SULF1: variants seen among roughly 807,000 people sequenced by gnomAD.
SULF1 encodes the protein sulfatase 1, also known as extracellular sulfatase Sulf-1.
A neutral mutation model predicts 110.5 loss-of-function variants in SULF1; 46 were observed. The observed-to-expected ratio is 0.42, with a 90% CI of 0.33 to 0.53. The LOEUF is 0.53. Ranked by LOEUF, SULF1 falls within the 20% of genes least tolerant of loss-of-function variation. SULF1 has a pLI of 0.12. For synonymous variants in SULF1, 371 were observed against 387.1 expected, an observed-to-expected ratio of 0.96 and a Z score of 0.49; for missense variants, 941 against 1,094.2, an observed-to-expected ratio of 0.86 and a Z score of 1.98.
At chr8:69,500,012 A>G (rs1810682566) in intron 2 of SULF1, among the ~76,000 whole-genome samples, 1 of 152,120 alleles carries the variant, frequency 6.6e-6, no homozygotes, top group South Asian at 2.1e-4. Flanking sequence ...TCAGCCTCCC[A>G]AAGTGCTGGG....
chr8:69,575,696 T>C (rs1805557806), intron 5 of SULF1, among the ~76,000 whole-genome samples: 1 of 152,166 alleles, frequency 6.6e-6, no homozygotes, highest in South Asian at 2.1e-4. Context: ...ATATCTAAAA[T>C]TCTAGCTTTA....
chr8:69,543,745 C>T (rs908663796), intron 3 of SULF1, among the ~76,000 whole-genome samples: 1 of 152,062 alleles, frequency 6.6e-6, no homozygotes, highest in Non-Finnish European at 1.5e-5. Context: ...TCCTTATAGC[C>T]CAATTGATTC....
chr8:69,523,917 G>A lies in SULF1; in HGVS notation c.-134+21949G>A, dbSNP rs191925068. On this transcript the variant is annotated intron_variant, in intron 3 of 22. Coordinates refer to ENST00000402687, the MANE Select transcript of SULF1 (RefSeq NM_001128205.2). The stretch of plus-strand genomic sequence containing the variant: ...AGGGAGTGGCTTGGGGAGAGGAGGG[G>A]TGATCCAGAAAGGAAGAGGCAATTG... Among the ~76,000 whole-genome samples, 48 of 152,140 alleles carry A rather than the reference G, an allele frequency of 3.2e-4. 1 individual carries two copies. Among genetic ancestry groups the A allele is most frequent in the African/African-American group, 1.1e-3 (47 of 41,542 alleles).
chr8:69,523,502 G>A (rs1734475737), intron 3 of SULF1, among the ~76,000 whole-genome samples: 1 of 152,006 alleles, frequency 6.6e-6, no homozygotes, highest in African/African-American at 2.4e-5. Context: ...ACCATTTAGG[G>A]GATTCTATGT....
In SULF1 at chr8:69,507,326, C is replaced by T. The variant is rs115295130; in HGVS notation, c.-134+5358C>T. Among the ~76,000 whole-genome samples the T allele has an allele frequency of 9.4e-3, 1,427 of 152,264 alleles. 26 individuals carry two copies. The highest frequency in any genetic ancestry group is 0.033 in the African/African-American group (1,355 of 41,544). On this transcript the variant is annotated intron_variant, in intron 3 of 22. Transcript: ENST00000402687. ...CCCAAGAAGAAATACTGCCTTGTAT[C>T]GTGCTAGAGAATTTGTAGGGCTGAT...
chr8:69,609,712 T>G (rs1328700134), intron 13 of SULF1, among the ~76,000 whole-genome samples: 1 of 152,216 alleles, frequency 6.6e-6, no homozygotes, highest in Non-Finnish European at 1.5e-5. Context: ...TTTGAAACTA[T>G]GAATGGCAAT....
chr8:69,600,515 C>T, intron 8 of SULF1, 88 bp from the exon 9 acceptor site: 1 of 1,293,668 alleles, frequency 7.7e-7, no homozygotes, highest in South Asian at 1.5e-5. Context: ...AATTATCTCT[C>T]CTTAATGATT....
Position 69,471,104 on chromosome 8 carries a change from C to T in SULF1, c.-391+4154C>T, listed in dbSNP as rs1364170342. Among the ~76,000 whole-genome samples, 7 of 152,206 alleles carry T rather than the reference C, an allele frequency of 4.6e-5. No homozygotes were observed. The East Asian group carries it at 1.3e-3, about 29-fold the overall frequency. Reference sequence around the variant, plus strand: ...GAAGCCTCTCTGACCGCTACCTCTTCCAGCAATGCTTTTCTTCCCTTCATG... The same window carrying T: ...GAAGCCTCTCTGACCGCTACCTCTTTCAGCAATGCTTTTCTTCCCTTCATG... On this transcript the variant is annotated intron_variant, in intron 1 of 22. Coordinates refer to the SULF1 transcript ENST00000260128.
chr8:69,546,487 A>G (rs1814266671), intron 3 of SULF1, among the ~76,000 whole-genome samples: 1 of 152,240 alleles, frequency 6.6e-6, no homozygotes, highest in African/African-American at 2.4e-5. Context: ...GCTGCTGTCC[A>G]CAGGAAAGAT....
chr8:69,525,836 C>T (rs147031358), intron 3 of SULF1, among the ~76,000 whole-genome samples: 36 of 152,176 alleles, frequency 2.4e-4, no homozygotes, highest in Middle Eastern at 3.4e-3. Flanking sequence ...CCGTGTGAGC[C>T]GAAGTTGTGA....
In SULF1 at chr8:69,591,983, T is replaced by C. The variant is rs1039730125; in HGVS notation, c.734+2842T>C. Among the ~76,000 whole-genome samples the C allele has an allele frequency of 1.4e-4, 21 of 152,140 alleles. 1 individual carries two copies. The highest frequency in any genetic ancestry group is 5.1e-4 in the African/African-American group (21 of 41,408). On this transcript the variant is annotated intron_variant, in intron 8 of 22. Transcript: ENST00000402687. ...GGGGCAGGATGGGCAAGTGTCCCAA[T>C]GGCAATATCACCAATAGGGCCAGAA...
chr8:69,649,618 G>T (rs750431981), intron 22 of SULF1, among the ~76,000 whole-genome samples: 24 of 152,112 alleles, frequency 1.6e-4, no homozygotes, highest in Non-Finnish European at 2.9e-4. Context: ...TATCAGTCAT[G>T]ATATTTTAAA....
At chr8:69,630,298 C>G (rs1441844929) in intron 19 of SULF1, among the ~76,000 whole-genome samples, 1 of 152,180 alleles carries the variant, frequency 6.6e-6, no homozygotes, top group African/African-American at 2.4e-5. Flanking sequence ...TTCACTGAGG[C>G]CATATAGAAG....
intron 13 of SULF1, among the ~76,000 whole-genome samples, chr8:69,612,439 T>C (rs1297593864): frequency 6.6e-6 from 1 of 152,222 alleles, no homozygotes; most frequent in African/African-American, 2.4e-5. Context: ...CTGTTTTCTG[T>C]AATGGTTGCA....
upstream of SULF1, among the ~76,000 whole-genome samples, chr8:69,490,102 CTT>C (rs59483735): frequency 0.011 from 1,278 of 117,136 alleles, 6 homozygotes; most frequent in South Asian, 0.023. Flanking sequence ...CCATACTTTT[CTT>C]TTTTTTTTTT....
At chr8:69,644,284 G>A (rs150955695) in intron 22 of SULF1, among the ~76,000 whole-genome samples, 53 of 152,308 alleles carry the variant, frequency 3.5e-4, no homozygotes, top group African/African-American at 8.2e-4. Context: ...TCCCAGCCTC[G>A]CTGGTGGGCA....
At chr8:69,629,765 AG>A in intron 19 of SULF1, 86 bp downstream of exon 19, 1 of 1,208,562 alleles carries the variant, frequency 8.3e-7, no homozygotes, top group Non-Finnish European at 1.2e-6. Flanking sequence ...GCATAAAATG[AG>A]GAATCTACAA....
chr8:69,611,160 A>G (rs894600321), intron 13 of SULF1, among the ~76,000 whole-genome samples: 1 of 152,214 alleles, frequency 6.6e-6, no homozygotes, highest in African/African-American at 2.4e-5. Context: ...TGGGCATCAT[A>G]TAGTTCTTGC....
At chr8:69,542,808 A>T (rs1174302476) in intron 3 of SULF1, among the ~76,000 whole-genome samples, 1 of 152,198 alleles carries the variant, frequency 6.6e-6, no homozygotes, top group Non-Finnish European at 1.5e-5. Flanking sequence ...ACGGAGCAGG[A>T]GTGAAGAGGA....
Sources: gnomAD v4.1 joint callset for allele counts (sites outside exome capture counted in the v4.1 genomes callset) on GRCh38, gnomAD v4.1.1 for gene constraint, MANE v1.5 for transcripts, NCBI Gene and HGNC (gene_info 2026-07-23, HGNC 2026-07-21) for gene names.